FH: variants seen among roughly 807,000 people sequenced by gnomAD.
FH encodes the protein fumarate hydratase, mitochondrial.
FH carries 22 observed loss-of-function variants against 49.4 expected under a neutral mutation model. The observed-to-expected ratio is 0.45, with a 90% CI of 0.32 to 0.64. The LOEUF is 0.64. Ranked by LOEUF, FH falls within the 30% of genes least tolerant of loss-of-function variation. FH has a pLI of 0.05. For synonymous variants in FH, 208 were observed against 223.0 expected (o/e 0.93, Z 0.60); for missense variants, 526 against 641.5 (o/e 0.82, Z 1.95).
At chr1:241,501,877 A>G (rs1659790577) in intron 8 of FH, among the ~76,000 whole-genome samples, 1 of 152,220 alleles carries the variant, frequency 6.6e-6, no homozygotes, top group South Asian at 2.1e-4. Context: ...AATGTTTTCA[A>G]GTATGTGGAA....
intron 9 of FH, among the ~76,000 whole-genome samples, chr1:241,498,710 TA>T (rs1659688776): frequency 1.5e-5 from 1 of 66,244 alleles, no homozygotes; most frequent in African/African-American, 8.0e-5. Context: ...TATATATATA[TA>T]TATATATATA....
intron 9 of FH, among the ~76,000 whole-genome samples, chr1:241,498,710 T>C (rs1240670500): frequency 4.5e-5 from 3 of 66,212 alleles, no homozygotes; most frequent in South Asian, 6.0e-4. Context: ...TATATATATA[T>C]ATATATATAT....
In FH at chr1:241,497,971, C is replaced by G. The variant is rs863223978; in HGVS notation, c.1391-1G>C. The G allele has an allele frequency of 6.2e-7, 1 of 1,613,796 alleles. No homozygotes were observed. Among genetic ancestry groups the G allele is most frequent in the Non-Finnish European group, 8.5e-7 (1 of 1,179,898 alleles). On this transcript the variant is annotated splice_acceptor_variant, in intron 9 of 9. Coordinates refer to ENST00000366560, the MANE Select transcript of FH (RefSeq NM_000143.4). LOFTEE classifies it high-confidence loss of function. ...GCAATCTTTGCTGCCTTGTCATACC[C>G]TGAAGAAAAAATAAAAAGACGACAT...
intron 8 of FH, among the ~76,000 whole-genome samples, chr1:241,500,962 C>T (rs892545845): frequency 2.6e-5 from 4 of 151,922 alleles, no homozygotes; most frequent in Non-Finnish European, 5.9e-5. Context: ...GAGGACTTGG[C>T]CAGAGAAGGA....
chr1:241,515,193 C>T (rs944918463), intron 2 of FH, among the ~76,000 whole-genome samples: 8 of 152,140 alleles, frequency 5.3e-5, no homozygotes, highest in African/African-American at 1.2e-4. Flanking sequence ...TACATACAGA[C>T]TGTTTTACAC....
intron 2 of FH, among the ~76,000 whole-genome samples, chr1:241,515,759 T>C (rs1008149652): frequency 6.6e-6 from 1 of 152,250 alleles, no homozygotes; most frequent in Non-Finnish European, 1.5e-5. Flanking sequence ...TAGAATATGT[T>C]ATGCATTTCT....
chr1:241,517,290 T>C lies in FH; in HGVS notation c.159A>G (p.Glu53=), dbSNP rs202056884. 5.0e-6 allele frequency: 8 copies of C among 1,614,022 alleles called. No homozygotes were observed. The African/African-American group carries it at 1.1e-4, about 22-fold the overall frequency. Reference sequence around the variant, plus strand: ...CCTTTAGTTCACCAAAGGTATCATATTCTATCCGGAAGGAATTTTGGCTTG... The same window carrying C: ...CCTTTAGTTCACCAAAGGTATCATACTCTATCCGGAAGGAATTTTGGCTTG... ...RMASQNSFRI[E]YDTFGELKVP... Residue 53 remains glutamate, a synonymous_variant, in exon 2 of 10, where the codon GAA becomes GAG. Coordinates refer to ENST00000366560, the MANE Select transcript of FH (RefSeq NM_000143.4).
chr1:241,519,351 C>T (rs1244994598), intron 1 of FH: 8 of 499,802 alleles, frequency 1.6e-5, no homozygotes, highest in Non-Finnish European at 6.9e-6. Context: ...CCAGTAGGAC[C>T]CTCTCTGACA....
intron 9 of FH, among the ~76,000 whole-genome samples, chr1:241,498,694 C>T (rs1183558819): frequency 1.4e-3 from 76 of 53,078 alleles, no homozygotes; most frequent in Non-Finnish European, 1.7e-3. Flanking sequence ...GCTGTCTTAA[C>T]ATATATATAT....
At chr1:241,508,258 C>T (rs1173651507) in intron 5 of FH, among the ~76,000 whole-genome samples, 2 of 152,186 alleles carry the variant, frequency 1.3e-5, no homozygotes, top group East Asian at 3.8e-4. Flanking sequence ...CTTACTAGAG[C>T]TTCACAACTA....
intron 9 of FH, 67 bp from the exon 10 acceptor site, chr1:241,498,037 G>A (rs1482725720): frequency 8.5e-6 from 13 of 1,529,824 alleles, no homozygotes; most frequent in Admixed American, 1.7e-5. Flanking sequence ...AGCAAAAGGT[G>A]ACATAATTGT....
chr1:241,519,654 A>G lies in FH; in HGVS notation c.69T>C (p.Ala23=), dbSNP rs2147926963. 6.5e-7 allele frequency: 1 copy of G among 1,548,044 alleles called. No homozygotes were observed. The highest frequency in any genetic ancestry group is 8.7e-7 in the Non-Finnish European group (1 of 1,146,480). ...PLVRAPAAAL[A]SAPGLGGAAV... ...CCGCGCCACCCAAGCCGGGAGCCGA[A>G]GCTAAGGCTGCGGCTGGAGCCCGCA... is the stretch of plus-strand genomic sequence containing the variant. Residue 23 remains alanine (A), a synonymous_variant, in exon 1 of 10, where the codon GCT becomes GCC. Coordinates refer to ENST00000366560, the MANE Select transcript of FH (RefSeq NM_000143.4).
intron 9 of FH, among the ~76,000 whole-genome samples, chr1:241,498,429 A>T (rs1290174963): frequency 6.6e-6 from 1 of 151,760 alleles, no homozygotes; most frequent in Non-Finnish European, 1.5e-5. Context: ...CTGAGAGGGG[A>T]GAAGTCCTCG....
In FH at chr1:241,505,853, C is replaced by A. The variant is rs1347188398; in HGVS notation, c.904+150G>T. The stretch of plus-strand genomic sequence containing the variant: ...AAAAGGCAAATAATTAACATTATAA[C>A]TTCAGAAATATACTTAAAACACATG... On this transcript the variant is annotated intron_variant, in intron 6 of 9. Transcript: ENST00000366560. The A allele has an allele frequency of 5.8e-5, 45 of 773,898 alleles. 1 individual carries two copies. In the Admixed American group the frequency reaches 1.1e-3, roughly 19 times the overall value. 47.9% of individuals were successfully genotyped at this position (773,898 alleles called of 1,614,324 possible). A position where few individuals can be genotyped will look rare whatever the true frequency, so the allele number is the denominator to read the frequency against.
intron 4 of FH, among the ~76,000 whole-genome samples, chr1:241,510,175 T>G (rs1456446230): frequency 6.6e-6 from 1 of 152,206 alleles, no homozygotes; most frequent in Admixed American, 6.5e-5. Flanking sequence ...TATTAAATTA[T>G]ACTTAGCACC....
chr1:241,502,393 G>A (rs779534691), intron 8 of FH, 50 bp downstream of exon 8: 1 of 1,609,418 alleles, frequency 6.2e-7, no homozygotes, highest in East Asian at 2.2e-5. Context: ...ACAAAACCAA[G>A]ATAATAAGCC....
Position 241,510,700 on chromosome 1 carries a change from C to G in FH, c.555+1267G>C, listed in dbSNP as rs535646673. Among the ~76,000 whole-genome samples, 3 of 152,188 alleles carry G rather than the reference C, an allele frequency of 2.0e-5. No homozygotes were observed. The South Asian group carries it at 6.2e-4, about 32-fold the overall frequency. On this transcript the variant is annotated intron_variant, in intron 4 of 9. Transcript: ENST00000366560. Reference sequence around the variant, plus strand: ...AGATGTTTGCCTAGCCTCAAGGTAGCGCGCTATTAATTACTACAGTGATTT... The same window carrying G: ...AGATGTTTGCCTAGCCTCAAGGTAGGGCGCTATTAATTACTACAGTGATTT...
At chr1:241,506,197 A>G (rs187128736) in intron 5 of FH, 29 bp from the exon 6 acceptor site, 5 of 1,545,514 alleles carry the variant, frequency 3.2e-6, no homozygotes, top group Admixed American at 3.4e-5. Context: ...TAAGGTAAGA[A>G]TAAGTAATTC....
chr1:241,504,057 T>C lies in FH; in HGVS notation c.1093A>G (p.Ser365Gly), dbSNP rs863223966. ...ATGTGATTACCTGGCATGATACTGC[T>C]TCCTGGTTCATTTTCAGGCAAGATC... ...ELILPENEPG[S>G]SIMPGKVNPT... is the part of the protein sequence containing the mutation. The change falls in exon 7 of 10, where the codon AGC becomes GGC. Residue 365 changes from serine to glycine, a missense_variant. By Grantham distance (56) the Ser-to-Gly change is moderately conservative. Around this residue, in one of 2 missense-constraint regions of FH, gnomAD observed 383 missense variants for 514.0 expected, o/e 0.75. Coordinates refer to ENST00000366560, the MANE Select transcript of FH (RefSeq NM_000143.4). 1.9e-6 allele frequency: 3 copies of C among 1,614,014 alleles called. No homozygotes were observed. Among genetic ancestry groups the C allele is most frequent in the African/African-American group, 2.7e-5 (2 of 74,950 alleles).
Sources: gnomAD v4.1 joint callset for allele counts (sites outside exome capture counted in the v4.1 genomes callset) on GRCh38, gnomAD v4.1.1 for gene constraint, gnomAD v4.1.1 regional missense constraint, MANE v1.5 for transcripts, NCBI Gene and HGNC (gene_info 2026-07-23, HGNC 2026-07-21) for gene names.